XIRP2: variants seen among roughly 807,000 people sequenced by gnomAD.
XIRP2 encodes the protein xin actin binding repeat containing 2.
In XIRP2, 236 loss-of-function variants were observed where a neutral mutation model predicts 277.0. The observed-to-expected ratio is 0.85, with a 90% CI of 0.77 to 0.95. The LOEUF (loss-of-function observed/expected upper bound fraction) is 0.95, where lower values mean the gene tolerates loss of function less well. Ranked by LOEUF, XIRP2 falls within the 40% of genes least tolerant of loss-of-function variation. XIRP2 has a pLI of 0.00. For missense variants in XIRP2, 4,640 were observed against 4,157.5 expected, an observed-to-expected ratio of 1.12 and a Z score of -3.19; for synonymous variants, 1,490 against 1,416.5, an observed-to-expected ratio of 1.05 and a Z score of -1.17.
intron 1 of XIRP2, among the ~76,000 whole-genome samples, chr2:166,894,901 G>C (rs1380914019): frequency 6.6e-6 from 1 of 152,122 alleles, no homozygotes; most frequent in Non-Finnish European, 1.5e-5. Context: ...TATCATCTTT[G>C]GTAAGTCAGG....
intron 2 of XIRP2, among the ~76,000 whole-genome samples, chr2:166,909,433 A>T (rs951685554): frequency 6.6e-6 from 1 of 152,164 alleles, no homozygotes; most frequent in Non-Finnish European, 1.5e-5. Flanking sequence ...TTATTGGTGT[A>T]TAAGAATGCT....
intron 2 of XIRP2, among the ~76,000 whole-genome samples, chr2:166,931,814 T>C (rs938518109): frequency 1.3e-5 from 2 of 152,184 alleles, no homozygotes; most frequent in Non-Finnish European, 2.9e-5. Context: ...ACACAATTCC[T>C]TGCTTATGTT....
At chr2:166,906,817 C>T (rs1156341745) in intron 2 of XIRP2, among the ~76,000 whole-genome samples, 1 of 152,066 alleles carries the variant, frequency 6.6e-6, no homozygotes, top group Non-Finnish European at 1.5e-5. Context: ...AACTAGCTGG[C>T]TTGGGAGTCT....
At chr2:167,035,587 G>A (rs753565151) in intron 2 of XIRP2, among the ~76,000 whole-genome samples, 3 of 152,132 alleles carry the variant, frequency 2.0e-5, no homozygotes, top group Non-Finnish European at 2.9e-5. Flanking sequence ...ACTGTTAAAG[G>A]CATTAAGTTT....
At chr2:167,031,868 G>T (rs1688369486) in intron 2 of XIRP2, among the ~76,000 whole-genome samples, 2 of 152,016 alleles carry the variant, frequency 1.3e-5, no homozygotes, top group Admixed American at 1.3e-4. Flanking sequence ...CGTGAAAATG[G>T]CCATACTGCC....
rs561797227 is a variant in XIRP2, at chr2:166,969,886, G to A, written c.408+65996G>A. Among the ~76,000 whole-genome samples the A allele has an allele frequency of 3.2e-3, 486 of 151,874 alleles. 3 individuals carry two copies. Among genetic ancestry groups the A allele is most frequent in the African/African-American group, 0.011 (462 of 41,444 alleles). ...CCTGTATCCTTAAAACCTCTTCTAA[G>A]AAACATTTGTACACATTTAGGACAG... On this transcript the variant is annotated intron_variant, in intron 2 of 10. Transcript: ENST00000409195.
chr2:166,999,124 A>G (rs535866416), intron 2 of XIRP2, among the ~76,000 whole-genome samples: 2 of 152,330 alleles, frequency 1.3e-5, no homozygotes, highest in East Asian at 3.9e-4. Context: ...AAATAAATAC[A>G]TAAAAATATT....
At chr2:166,980,802 AT>A (rs1686844301) in intron 2 of XIRP2, among the ~76,000 whole-genome samples, 1 of 151,914 alleles carries the variant, frequency 6.6e-6, no homozygotes, top group African/African-American at 2.4e-5. Context: ...TTGGTTTTCT[AT>A]TTGTCTCATT....
chr2:167,139,873 TTTCATTGAATTTTAAGTAATG>T (rs1367453412), intron 3 of XIRP2, among the ~76,000 whole-genome samples: 1 of 152,238 alleles, frequency 6.6e-6, no homozygotes, highest in Admixed American at 6.5e-5. Flanking sequence ...TAATTGCTAA[TTTCATTGAATTTTAAGTAATG>T]TTCATGTAAA....
intron 3 of XIRP2, chr2:167,184,596 T>C (rs998755466): frequency 1.4e-6 from 1 of 717,500 alleles, no homozygotes. Flanking sequence ...CATCCAAAAT[T>C]GACAAAGACC....
intron 5 of XIRP2, among the ~76,000 whole-genome samples, chr2:167,224,376 G>A (rs1694528039): frequency 6.6e-6 from 1 of 152,018 alleles, no homozygotes; most frequent in Non-Finnish European, 1.5e-5. Flanking sequence ...TGGGACCACA[G>A]GCATATGCCA....
intron 2 of XIRP2, among the ~76,000 whole-genome samples, chr2:167,083,161 T>A (rs569619030): frequency 6.6e-6 from 1 of 152,194 alleles, no homozygotes; most frequent in East Asian, 1.9e-4. Context: ...TTTCTACATA[T>A]GGCTAGCCAG....
At chr2:167,129,869 CAAA>C (rs11335228) in intron 2 of XIRP2, among the ~76,000 whole-genome samples, 3 of 97,016 alleles carry the variant, frequency 3.1e-5, no homozygotes, top group Admixed American at 1.2e-4. Context: ...AACTCAGTCT[CAAA>C]AAAAAAAAAA....
intron 3 of XIRP2, among the ~76,000 whole-genome samples, chr2:167,158,218 T>G (rs776864255): frequency 8.5e-5 from 13 of 152,326 alleles, no homozygotes; most frequent in Non-Finnish European, 1.8e-4. Context: ...TCTGAGACTA[T>G]ATGGTTTTAT....
chr2:167,111,012 C>T (rs187874398), intron 2 of XIRP2, among the ~76,000 whole-genome samples: 73 of 152,116 alleles, frequency 4.8e-4, no homozygotes, highest in East Asian at 2.7e-3. Context: ...GATTTTTGCG[C>T]GTTGATTTTG....
intron 2 of XIRP2, among the ~76,000 whole-genome samples, chr2:166,961,605 G>C: frequency 6.6e-6 from 1 of 151,544 alleles, no homozygotes; most frequent in East Asian, 2.0e-4. Flanking sequence ...GTCTCCTTTT[G>C]CCTTATTTTG....
chr2:166,914,447 TCTC>T (rs1332556519), intron 2 of XIRP2, among the ~76,000 whole-genome samples: 1 of 152,116 alleles, frequency 6.6e-6, no homozygotes, highest in African/African-American at 2.4e-5. Context: ...TTTACGCCAT[TCTC>T]CTGTCTCAGC....
chr2:167,179,496 A>G (rs1423978448), intron 3 of XIRP2, among the ~76,000 whole-genome samples: 2 of 151,362 alleles, frequency 1.3e-5, no homozygotes. Flanking sequence ...AATTTTTTGT[A>G]TCTTTAGTAG....
chr2:167,202,849 C>T (rs1341255630), intron 3 of XIRP2, among the ~76,000 whole-genome samples: 2 of 152,162 alleles, frequency 1.3e-5, no homozygotes, highest in Admixed American at 6.5e-5. Context: ...AAGGTGTTGG[C>T]TGTGCCAAGC....
Sources: allele counts gnomAD v4.1 joint callset (sites outside exome capture counted in the v4.1 genomes callset), GRCh38; gene constraint gnomAD v4.1.1; transcripts MANE v1.5; gene names NCBI Gene and HGNC (gene_info 2026-07-23, HGNC 2026-07-21).